Variants in ACOT11 observed in about 807,000 individuals in gnomAD.
ACOT11 encodes the protein acyl-coenzyme A thioesterase 11.
ACOT11 carries 69 observed loss-of-function variants against 77.5 expected under a neutral mutation model. The ratio of observed to expected loss-of-function variants is 0.89; its 90% CI spans 0.73 to 1.09. The LOEUF is 1.09. Among genes scored for constraint, ACOT11 ranks in the 50% least tolerant of loss-of-function variants. The probability of loss-of-function intolerance (pLI) is 0.00; values close to 1 mark genes in which losing one functional copy is unlikely to be tolerated. For missense variants in ACOT11, 766 were observed against 813.7 expected (o/e 0.94, Z 0.71); for synonymous variants, 279 against 313.0 (o/e 0.89, Z 1.15).
At chr1:54,552,937 C>T (rs1328471471) in intron 1 of ACOT11, among the ~76,000 whole-genome samples, 1 of 151,468 alleles carries the variant, frequency 6.6e-6, no homozygotes, top group Non-Finnish European at 1.5e-5. Context: ...AAGCGATTCT[C>T]CTGCCTCAGC....
chr1:54,629,784 G>C (rs569219859), intron 15 of ACOT11, among the ~76,000 whole-genome samples: 1 of 134,292 alleles, frequency 7.4e-6, no homozygotes, highest in South Asian at 2.5e-4. Context: ...GTGTCACTAT[G>C]TTGCCAGGCT....
At chr1:54,632,500 A>G (rs1363744348) in intron 16 of ACOT11, among the ~76,000 whole-genome samples, 2 of 152,344 alleles carry the variant, frequency 1.3e-5, no homozygotes, top group Admixed American at 1.3e-4. Flanking sequence ...TACAGTGGGG[A>G]AATCCAAATT....
intron 1 of ACOT11, among the ~76,000 whole-genome samples, chr1:54,553,042 G>T (rs185281751): frequency 6.7e-6 from 1 of 150,186 alleles, no homozygotes; most frequent in Non-Finnish European, 1.5e-5. Context: ...GGTCAGGCTG[G>T]TCTCGAACTT....
downstream of ACOT11, chr1:54,612,671 G>T (rs771863130): frequency 1.2e-6 from 2 of 1,613,998 alleles, no homozygotes; most frequent in Admixed American, 1.7e-5. Flanking sequence ...CTGGAGATAG[G>T]GTAGCCTTGG....
intron 1 of ACOT11, chr1:54,572,996 G>A (rs1473070033): frequency 9.1e-6 from 9 of 985,448 alleles, no homozygotes; most frequent in Non-Finnish European, 9.6e-6. Flanking sequence ...TGGCCCAGTG[G>A]GACAGTGTTC....
intron 1 of ACOT11, among the ~76,000 whole-genome samples, chr1:54,579,387 G>T (rs754007076): frequency 6.6e-6 from 1 of 152,184 alleles, no homozygotes; most frequent in African/African-American, 2.4e-5. Flanking sequence ...GTGTGTCCCG[G>T]GTATGTGTGT....
intron 9 of ACOT11, 63 bp from the exon 10 acceptor site, chr1:54,602,606 G>T: frequency 7.1e-7 from 1 of 1,408,324 alleles, no homozygotes; most frequent in Non-Finnish European, 9.3e-7. Flanking sequence ...GGCCCTGGGG[G>T]ATGGAGAGGG....
At chr1:54,623,788 G>C (rs12405460) in intron 15 of ACOT11, among the ~76,000 whole-genome samples, 43,018 of 152,020 alleles carry the variant, frequency 0.28, 6,746 homozygotes, top group Middle Eastern at 0.39. Flanking sequence ...AGTGTCTGCC[G>C]GTCTCTGGGC....
chr1:54,572,652 CT>C (rs1653965276), intron 1 of ACOT11, among the ~76,000 whole-genome samples: 1 of 152,316 alleles, frequency 6.6e-6, no homozygotes, highest in East Asian at 1.9e-4. Context: ...CTTCTGGCCA[CT>C]TTTGTGGTCT....
chr1:54,583,809 AC>A (rs1470612330), intron 1 of ACOT11, among the ~76,000 whole-genome samples: 6 of 152,184 alleles, frequency 3.9e-5, no homozygotes, highest in Non-Finnish European at 8.8e-5. Context: ...GAGAATCGGA[AC>A]CCATATGCCT....
exon 17 of ACOT11, chr1:54,635,308 G>T: frequency 4.2e-6 from 1 of 240,700 alleles, no homozygotes; most frequent in South Asian, 4.7e-5. Flanking sequence ...ATGTTCAGAT[G>T]ATCTGAACAA....
At chr1:54,594,110 A>G in intron 5 of ACOT11, 71 bp downstream of exon 5, 2 of 1,411,986 alleles carry the variant, frequency 1.4e-6, no homozygotes, top group African/African-American at 1.4e-5. Flanking sequence ...AGTCTGGCTC[A>G]GGGGAATGAG....
In ACOT11 at chr1:54,608,038, C is replaced by T. The variant is rs1373251651; in HGVS notation, c.1599C>T (p.Cys533=). 9.3e-6 allele frequency: 15 copies of T among 1,612,896 alleles called. No homozygotes were observed. Among genetic ancestry groups the T allele is most frequent in the Non-Finnish European group, 1.2e-5 (14 of 1,179,670 alleles). ...RRGETLCSGF[C]LWREGDQLTK... is the part of the protein sequence containing the mutation. ...GAGAGACCCTCTGCTCAGGCTTCTG[C>T]CTCTGGCGCGAGGGGGACCAGCTGA... Residue 533 remains cysteine, a synonymous_variant, in exon 15 of 16, where the codon TGC becomes TGT. Transcript: ENST00000343744.
At chr1:54,624,106 G>A (rs955905089) in intron 15 of ACOT11, among the ~76,000 whole-genome samples, 3 of 152,164 alleles carry the variant, frequency 2.0e-5, no homozygotes, top group African/African-American at 7.2e-5. Context: ...TTCATGCAGA[G>A]GGAGTTCTGG....
chr1:54,588,888 G>A (rs1654604752), intron 3 of ACOT11, among the ~76,000 whole-genome samples: 1 of 152,166 alleles, frequency 6.6e-6, no homozygotes, highest in African/African-American at 2.4e-5. Flanking sequence ...GGAGGGGCCT[G>A]GAGCATGGTT....
chr1:54,607,193 C>T lies in ACOT11; in HGVS notation c.1430C>T (p.Pro477Leu), dbSNP rs753098134. The T allele has an allele frequency of 5.6e-6, 9 of 1,614,228 alleles. No homozygotes were observed. The South Asian group carries it at 8.8e-5, about 16-fold the overall frequency. The change falls in exon 14 of 16, where the codon CCT becomes CTT. Residue 477 changes from proline (P) to leucine (L), a missense_variant. Physicochemically the swap from Pro to Leu is moderately conservative, Grantham distance 98 (BLOSUM62 -3). Coordinates refer to ENST00000343744, the MANE Select transcript of ACOT11 (RefSeq NM_147161.4). The surrounding 1 kb of genome is among the most constrained non-coding windows in gnomAD (Gnocchi z 4.5). ...EDDAIYHVTS[P>L]ALGGHTKPQD... ...GACGCCATCTACCACGTCACCAGCCCTGCCCTCGGAGGTCACACAAAGCCC... is the reference window on the plus strand; with the variant it reads ...GACGCCATCTACCACGTCACCAGCCTTGCCCTCGGAGGTCACACAAAGCCC...
At position 54,628,604 on chromosome 1, in the gene ACOT11, C is replaced by T. The variant is rs952186740; in HGVS notation, c.1630-2130C>T. 4.1e-5 allele frequency among the ~76,000 whole-genome samples: 5 copies of T among 121,396 alleles called. 1 individual carries two copies. The highest frequency in any genetic ancestry group is 1.4e-4 in the African/African-American group (5 of 35,672). The allele number at this position is 121,396 out of a possible 152,430, so 79.6% of individuals were successfully genotyped here. A position where few individuals can be genotyped will look rare whatever the true frequency, so the allele number is the denominator to read the frequency against. ...AGCAAGACCCCATCGCCCCCCCCCC[C>T]CAAAAAAGGAAAAAAGAAACCCATT... On this transcript the variant is annotated intron_variant, in intron 15 of 16. Transcript: ENST00000371316.
In ACOT11 at chr1:54,599,317, T is replaced by C; in HGVS notation, c.786T>C (p.Pro262=). The change falls in exon 8 of 16, where the codon CCT becomes CCC. Residue 262 remains proline (P), a synonymous_variant. Coordinates refer to ENST00000343744, the MANE Select transcript of ACOT11 (RefSeq NM_147161.4). ...IAASRLCRAH[P]TLKAIEMFHF... is the part of the protein sequence containing the mutation. Reference sequence around the variant, plus strand: ...TCAGCCGGCTCTGCCGTGCCCACCCTACGCTGAAGGCCATTGAAATGTTCC... The same window carrying C: ...TCAGCCGGCTCTGCCGTGCCCACCCCACGCTGAAGGCCATTGAAATGTTCC... 1 of 1,597,898 alleles carries C rather than the reference T, an allele frequency of 6.3e-7. No individual in the cohort carries two copies. Among genetic ancestry groups the C allele is most frequent in the Non-Finnish European group, 8.5e-7 (1 of 1,172,356 alleles).
chr1:54,574,643 G>A (rs1037102413), intron 1 of ACOT11, among the ~76,000 whole-genome samples: 2 of 152,116 alleles, frequency 1.3e-5, no homozygotes, highest in Non-Finnish European at 2.9e-5. Flanking sequence ...TGGAGAGAGG[G>A]GAAGCAAGTT....
Sources: gnomAD v4.1 joint callset for allele counts (sites outside exome capture counted in the v4.1 genomes callset) on GRCh38, gnomAD v4.1.1 for gene constraint, Gnocchi (gnomAD v3.1) non-coding constraint, MANE v1.5 for transcripts, NCBI Gene and HGNC (gene_info 2026-07-23, HGNC 2026-07-21) for gene names.